Variants in NDUFAF6 observed in about 807,000 individuals in gnomAD.
NDUFAF6 encodes the protein NADH:ubiquinone oxidoreductase complex assembly factor 6, also known as NADH dehydrogenase (ubiquinone) complex I, assembly factor 6.
A neutral mutation model predicts 40.8 loss-of-function variants in NDUFAF6; 45 were observed. The observed-to-expected ratio is 1.10, with a 90% CI of 0.87 to 1.42. NDUFAF6 has a LOEUF of 1.42. Ranked by LOEUF, NDUFAF6 falls within the 40% of genes most tolerant of loss-of-function variation. NDUFAF6 has a pLI of 0.00. For missense variants in NDUFAF6, 435 were observed against 418.5 expected (o/e 1.04, Z -0.34); for synonymous variants, 185 against 155.9 (o/e 1.19, Z -1.39).
intron 8 of NDUFAF6, among the ~76,000 whole-genome samples, chr8:95,057,441 G>A (rs866747026): frequency 1.3e-5 from 2 of 152,100 alleles, no homozygotes; most frequent in African/African-American, 2.4e-5. Context: ...CACTACATTT[G>A]GGGGGTCGGG....
At chr8:94,898,920 G>A (rs1258185340) in intron 1 of NDUFAF6, among the ~76,000 whole-genome samples, 1 of 152,162 alleles carries the variant, frequency 6.6e-6, no homozygotes, top group Non-Finnish European at 1.5e-5. Context: ...TTATTGTCAT[G>A]AGACTCATTT....
intron 1 of NDUFAF6, chr8:94,930,452 G>C (rs749272729): frequency 1.4e-5 from 22 of 1,612,518 alleles, no homozygotes; most frequent in Non-Finnish European, 1.9e-5. Context: ...CAAACCAAGA[G>C]AAACCAACCA....
At chr8:95,006,355 CAAAAAAAA>C (rs58530398) in intron 2 of NDUFAF6, among the ~76,000 whole-genome samples, 1 of 74,990 alleles carries the variant, frequency 1.3e-5, no homozygotes, top group Admixed American at 1.5e-4. Context: ...GACTCCGTCT[CAAAAAAAA>C]AAAAAAAAAA....
Position 95,053,952 on chromosome 8 carries a change from T to TTTG in NDUFAF6, c.873+1722_873+1723insTTG, listed in dbSNP as rs1554681590. On this transcript the variant is annotated intron_variant, in intron 8 of 8. Transcript: ENST00000396124. ...TTTTTTTTTTTTTTTTTTTTTTTTT[T>TTTG]GAGACAAAATCTCACTCTGTTGCCC... Among the ~76,000 whole-genome samples the TTTG allele has an allele frequency of 9.0e-4, 123 of 136,998 alleles. 1 individual carries two copies. Among genetic ancestry groups the TTTG allele is most frequent in the African/African-American group, 2.5e-3 (86 of 33,738 alleles). The allele number at this position is 136,998 out of a possible 152,430, so 89.9% of individuals were successfully genotyped here. A position where few individuals can be genotyped will look rare whatever the true frequency, so the allele number is the denominator to read the frequency against.
intron 6 of NDUFAF6, among the ~76,000 whole-genome samples, chr8:95,047,363 T>TATAGCTTC (rs1023128122): frequency 6.6e-6 from 1 of 152,184 alleles, no homozygotes; most frequent in African/African-American, 2.4e-5. Flanking sequence ...CCTCATTTGG[T>TATAGCTTC]ATAGCTTCAT....
chr8:94,925,549 CTTTT>C (rs1287916481), intron 1 of NDUFAF6, among the ~76,000 whole-genome samples: 2 of 135,420 alleles, frequency 1.5e-5, no homozygotes, highest in Non-Finnish European at 3.2e-5. Context: ...AAAAGAAATC[CTTTT>C]TTTTTTTTTT....
intron 9 of NDUFAF6, among the ~76,000 whole-genome samples, chr8:95,075,085 C>G (rs1342683889): frequency 6.6e-6 from 1 of 152,136 alleles, no homozygotes; most frequent in Non-Finnish European, 1.5e-5. Context: ...ACTTGGACAG[C>G]TGACAAGCAG....
At chr8:95,068,009 G>A (rs139741609) in intron 9 of NDUFAF6, 2 of 152,152 alleles carry the variant, frequency 1.3e-5, no homozygotes, top group East Asian at 1.9e-4. Flanking sequence ...TTTAGCTGGA[G>A]TAAGTTGTTA....
intron 1 of NDUFAF6, among the ~76,000 whole-genome samples, chr8:94,904,320 C>CTTTTTTTTTTTTTTTTTTTTTTTTTTTT (rs57749627): frequency 2.9e-5 from 1 of 34,134 alleles, no homozygotes. Flanking sequence ...ATTTTTTTTG[C>CTTTTTTTTTTTTTTTTTTTTTTTTTTTT]TTTTTTTTTT....
intron 2 of NDUFAF6, among the ~76,000 whole-genome samples, chr8:95,089,101 T>C (rs11776091): frequency 0.85 from 128,379 of 151,854 alleles, 54,407 homozygotes; most frequent in East Asian, 1. Flanking sequence ...GGCTCTGTCG[T>C]CTAGGCTGTA....
At chr8:95,009,499 C>A (rs1586958438) in intron 2 of NDUFAF6, among the ~76,000 whole-genome samples, 1 of 152,180 alleles carries the variant, frequency 6.6e-6, no homozygotes, top group East Asian at 1.9e-4. Flanking sequence ...GGATTTAGAT[C>A]CTCAGCCATC....
At chr8:95,083,268 T>C (rs916303352) in intron 2 of NDUFAF6, among the ~76,000 whole-genome samples, 11 of 152,240 alleles carry the variant, frequency 7.2e-5, no homozygotes, top group African/African-American at 2.7e-4. Flanking sequence ...AAACGGGCTC[T>C]GTCTTTATCA....
chr8:95,088,241 A>T (rs1228565626), intron 2 of NDUFAF6, among the ~76,000 whole-genome samples: 1 of 152,184 alleles, frequency 6.6e-6, no homozygotes, highest in Non-Finnish European at 1.5e-5. Context: ...AGCTATGCCC[A>T]TCCTGGCGCC....
intron 2 of NDUFAF6, among the ~76,000 whole-genome samples, chr8:94,998,088 A>G (rs1306395558): frequency 2.0e-5 from 3 of 152,230 alleles, no homozygotes; most frequent in Non-Finnish European, 4.4e-5. Flanking sequence ...CTTAAGCTTC[A>G]CAGAAAATAA....
upstream of NDUFAF6, among the ~76,000 whole-genome samples, chr8:95,023,915 C>G (rs528710456): frequency 6.6e-6 from 1 of 151,304 alleles, no homozygotes; most frequent in Non-Finnish European, 1.5e-5. Flanking sequence ...CGCTTGAACC[C>G]GGGAGGCGGA....
At chr8:95,086,295 A>T (rs777834814) in intron 2 of NDUFAF6, among the ~76,000 whole-genome samples, 98 of 152,322 alleles carry the variant, frequency 6.4e-4, no homozygotes, top group Non-Finnish European at 1.2e-3. Context: ...AATAAACAGA[A>T]AACAGTGTTC....
intron 2 of NDUFAF6, chr8:95,034,032 G>A (rs1829182954): frequency 2.2e-6 from 1 of 457,840 alleles, no homozygotes; most frequent in Non-Finnish European, 4.4e-6. Flanking sequence ...CTGTCTTGCT[G>A]TACTGTATGC....
chr8:94,985,501 A>T (rs1175079920), intron 2 of NDUFAF6, among the ~76,000 whole-genome samples: 6 of 7,704 alleles, frequency 7.8e-4, no homozygotes, highest in African/African-American at 3.7e-3. Context: ...ATATATATAT[A>T]TATATATATA....
downstream of NDUFAF6, among the ~76,000 whole-genome samples, chr8:95,079,417 C>A (rs907935528): frequency 5.3e-5 from 8 of 152,152 alleles, no homozygotes; most frequent in Non-Finnish European, 1.2e-4. Context: ...AATAGCAGGT[C>A]TTTATTTTTA....
Sources: gnomAD v4.1 joint callset for allele counts (sites outside exome capture counted in the v4.1 genomes callset) on GRCh38, gnomAD v4.1.1 for gene constraint, MANE v1.5 for transcripts, NCBI Gene and HGNC (gene_info 2026-07-23, HGNC 2026-07-21) for gene names.